Variants in MYO1D observed in about 807,000 individuals in gnomAD.
MYO1D encodes the protein unconventional myosin-Id.
A neutral mutation model predicts 122.0 loss-of-function variants in MYO1D; 83 were observed. The observed-to-expected ratio is 0.68, with a 90% CI of 0.57 to 0.82. The LOEUF is 0.82. Ranked by LOEUF, MYO1D falls within the 40% of genes least tolerant of loss-of-function variation. The pLI is 0.00. For missense variants in MYO1D, 1,157 were observed against 1,269.5 expected, an observed-to-expected ratio of 0.91 and a Z score of 1.35; for synonymous variants, 464 against 446.9, an observed-to-expected ratio of 1.04 and a Z score of -0.48.
chr17:32,864,009 T>C (rs2091101705), intron 1 of MYO1D, among the ~76,000 whole-genome samples: 1 of 37,330 alleles, frequency 2.7e-5, no homozygotes, highest in Non-Finnish European at 5.5e-5. Context: ...ATTTCTTCCT[T>C]TTTTTTTTTT....
intron 8 of MYO1D, among the ~76,000 whole-genome samples, chr17:32,763,337 AATC>A (rs1356735621): frequency 1.6e-4 from 25 of 152,334 alleles, no homozygotes; most frequent in African/African-American, 6.0e-4. Flanking sequence ...ACAGTAAACT[AATC>A]AACCAGCAAA....
chr17:32,683,196 G>T (rs926016448), intron 16 of MYO1D, among the ~76,000 whole-genome samples: 1 of 149,494 alleles, frequency 6.7e-6, no homozygotes, highest in African/African-American at 2.5e-5. Flanking sequence ...TGGTTTGAAT[G>T]TCCTCCCGTA....
At chr17:32,869,082 G>C (rs2091156180) in intron 1 of MYO1D, among the ~76,000 whole-genome samples, 1 of 151,940 alleles carries the variant, frequency 6.6e-6, no homozygotes, top group African/African-American at 2.4e-5. Flanking sequence ...AGCTGGGAGT[G>C]GTGGTACGTG....
At chr17:32,843,356 A>G (rs2090902557) in intron 1 of MYO1D, among the ~76,000 whole-genome samples, 1 of 152,238 alleles carries the variant, frequency 6.6e-6, no homozygotes, top group African/African-American at 2.4e-5. Flanking sequence ...TACCACACTG[A>G]GTATCCATAA....
At chr17:32,775,223 C>T (rs2090160642) in intron 4 of MYO1D, among the ~76,000 whole-genome samples, 1 of 152,086 alleles carries the variant, frequency 6.6e-6, no homozygotes, top group African/African-American at 2.4e-5. Context: ...ATTGCTTGAG[C>T]CTGGGGGGTT....
intron 1 of MYO1D, among the ~76,000 whole-genome samples, chr17:32,804,306 G>A (rs1340526350): frequency 6.6e-6 from 1 of 152,148 alleles, no homozygotes; most frequent in Non-Finnish European, 1.5e-5. Flanking sequence ...TCTATTAGCA[G>A]TTGATTGAAT....
chr17:32,721,472 G>C (rs926660363), intron 14 of MYO1D, among the ~76,000 whole-genome samples: 1 of 152,154 alleles, frequency 6.6e-6, no homozygotes, highest in African/African-American at 2.4e-5. Context: ...CGTAAAGATC[G>C]AGTTTCTGTG....
At chr17:32,734,316 TA>T (rs747780151) in intron 14 of MYO1D, among the ~76,000 whole-genome samples, 2 of 152,154 alleles carry the variant, frequency 1.3e-5, no homozygotes, top group Admixed American at 1.3e-4. Flanking sequence ...TCTGATACTT[TA>T]AAAAAATCTC....
chr17:32,549,143 AGTTCAGTGGTGC>A, intron 21 of MYO1D, among the ~76,000 whole-genome samples: 1 of 152,154 alleles, frequency 6.6e-6, no homozygotes, highest in Non-Finnish European at 1.5e-5. Flanking sequence ...TCCAGGCTGG[AGTTCAGTGGTGC>A]CATCTCAGCT....
At chr17:32,629,815 G>C (rs1183641539) in intron 20 of MYO1D, among the ~76,000 whole-genome samples, 1 of 152,154 alleles carries the variant, frequency 6.6e-6, no homozygotes, top group Non-Finnish European at 1.5e-5. Context: ...GAAATGAGTG[G>C]AGTGTGTAAG....
intron 20 of MYO1D, among the ~76,000 whole-genome samples, chr17:32,636,192 T>C (rs2088096598): frequency 6.6e-6 from 1 of 152,174 alleles, no homozygotes; most frequent in Non-Finnish European, 1.5e-5. Context: ...TCTTTCCCAC[T>C]CTATACCATC....
chr17:32,821,980 T>A (rs1020168760), intron 1 of MYO1D, among the ~76,000 whole-genome samples: 1 of 152,190 alleles, frequency 6.6e-6, no homozygotes, highest in Admixed American at 6.5e-5. Flanking sequence ...TCCTCAGGGA[T>A]CTAGAACTAG....
intron 1 of MYO1D, among the ~76,000 whole-genome samples, chr17:32,814,312 C>T (rs1437377842): frequency 1.3e-5 from 2 of 152,202 alleles, no homozygotes; most frequent in Non-Finnish European, 2.9e-5. Flanking sequence ...CAACTGCACT[C>T]CAGCCTGGCG....
rs374271147 is a variant in MYO1D at position 32,857,008 on chromosome 17, T to G, written c.95+19770A>C. ...GGGGTAGCAGAAATGTCAAGCACTT[T>G]GAAGTCCTGTCAGTCTGGCTTCAAA... On this transcript the variant is annotated intron_variant, in intron 1 of 21. Transcript: ENST00000318217. Among the ~76,000 whole-genome samples, 4 of 152,342 alleles carry G rather than the reference T, an allele frequency of 2.6e-5. No homozygotes were observed. The South Asian group carries it at 8.3e-4, about 32-fold the overall frequency.
intron 21 of MYO1D, chr17:32,519,225 G>C (rs755827191): frequency 3.9e-5 from 6 of 152,448 alleles, no homozygotes; most frequent in Non-Finnish European, 5.9e-5. Context: ...CCTGTGCGGC[G>C]CTTCAGCCCG....
intron 16 of MYO1D, among the ~76,000 whole-genome samples, chr17:32,659,985 A>T (rs146984086): frequency 1.5e-3 from 224 of 152,300 alleles, no homozygotes; most frequent in African/African-American, 5.1e-3. Context: ...GTAAAGTCAG[A>T]GATACTTATT....
chr17:32,669,236 T>C (rs1567939547), intron 16 of MYO1D, among the ~76,000 whole-genome samples: 1 of 152,194 alleles, frequency 6.6e-6, no homozygotes, highest in Non-Finnish European at 1.5e-5. Context: ...ATATTTCCCA[T>C]GAGAAAAGTG....
At chr17:32,548,069 C>A (rs2086980076) in intron 21 of MYO1D, among the ~76,000 whole-genome samples, 1 of 152,104 alleles carries the variant, frequency 6.6e-6, no homozygotes, top group Admixed American at 6.6e-5. Context: ...CTATAGAACC[C>A]TAAGCCCTTT....
rs144146300 is a variant in MYO1D, at chr17:32,712,235, T to C, written c.1914-40A>G. The C allele has an allele frequency of 3.9e-6, 6 of 1,553,106 alleles. No homozygotes were observed. In the African/African-American group the frequency reaches 5.4e-5, roughly 14 times the overall value. On this transcript the variant is annotated intron_variant, in intron 15 of 21. Coordinates refer to ENST00000318217, the MANE Select transcript of MYO1D (RefSeq NM_015194.3). ...GAAACAGGGTTAAGGGAGAAAACCA[T>C]ATGGTCATCTCAATAGAAAACTATT...
Sources: allele counts gnomAD v4.1 joint callset (sites outside exome capture counted in the v4.1 genomes callset), GRCh38; gene constraint gnomAD v4.1.1; transcripts MANE v1.5; gene names NCBI Gene and HGNC (gene_info 2026-07-23, HGNC 2026-07-21).